CEP97: variants seen among roughly 807,000 people sequenced by gnomAD.
CEP97 encodes centrosomal protein 97, also known as centrosomal protein of 97 kDa.
Under a neutral mutation model 73.1 loss-of-function variants are expected in CEP97, and 43 were observed. The observed-to-expected ratio is 0.59, with a 90% CI of 0.46 to 0.76. The LOEUF is 0.76. Ranked by LOEUF, CEP97 falls within the 30% of genes least tolerant of loss-of-function variation. The pLI is 0.00. For missense variants in CEP97, 939 were observed against 1,014.0 expected (o/e 0.93, Z 1.00); for synonymous variants, 337 against 370.0 (o/e 0.91, Z 1.02).
At chr3:101,755,037 A>G (rs1001658479) in intron 6 of CEP97, among the ~76,000 whole-genome samples, 7 of 151,828 alleles carry the variant, frequency 4.6e-5, no homozygotes, top group Admixed American at 4.6e-4. Context: ...GAGATTACAC[A>G]TGCCACCATG....
At position 101,762,527 on chromosome 3, in the gene CEP97, A is replaced by G. The variant is rs1295357241; in HGVS notation, c.1860A>G (p.Val620=). The change falls in exon 10 of 11, where the codon GTA becomes GTG. Residue 620 remains valine, a synonymous_variant. Transcript: ENST00000341893. ...ERDEERIKKF[V]QEEAFRFLWN... The stretch of plus-strand genomic sequence containing the variant: ...ATGAAGAACGTATTAAAAAATTTGT[A>G]CAAGAAGAAGCTTTCAGATTCCTTT... 5.0e-6 allele frequency: 8 copies of G among 1,611,346 alleles called. No homozygotes were observed. The East Asian group carries it at 1.6e-4, about 32-fold the overall frequency.
chr3:101,744,583 CAAA>C (rs530099390), intron 6 of CEP97, among the ~76,000 whole-genome samples: 8 of 79,800 alleles, frequency 1.0e-4, no homozygotes, highest in Admixed American at 1.3e-4. Flanking sequence ...AACTCTGTCT[CAAA>C]AAAAAAAAAA....
At chr3:101,732,069 A>C in intron 5 of CEP97, 116 bp downstream of exon 5, 1 of 676,436 alleles carries the variant, frequency 1.5e-6, no homozygotes, top group Middle Eastern at 2.5e-4. Context: ...ACTGCCATTC[A>C]TATGAAATGC....
At chr3:101,763,018 G>C in intron 10 of CEP97, 3 of 1,175,782 alleles carry the variant, frequency 2.6e-6, no homozygotes, top group Non-Finnish European at 3.3e-6. Flanking sequence ...TTAGGCAGTT[G>C]GTTTTACTAG....
chr3:101,733,762 C>T (rs1938189430), intron 6 of CEP97, among the ~76,000 whole-genome samples: 2 of 152,206 alleles, frequency 1.3e-5, no homozygotes, highest in South Asian at 4.1e-4. Context: ...GATCTCCTGA[C>T]CTCGTGATCC....
Position 101,757,072 on chromosome 3 carries a change from G to T in CEP97, c.903G>T (p.Gln301His). 1 of 1,607,096 alleles carries T rather than the reference G, an allele frequency of 6.2e-7. No homozygotes were observed. Among genetic ancestry groups the T allele is most frequent in the Non-Finnish European group, 8.5e-7 (1 of 1,178,092 alleles). ...TATTATTGATTTTTAGGTTTCACCA[G>T]AGGCAGTTGATGAACCAAAGCCAAA... Reference protein sequence around the residue: ...EKILSKQRFHQRQLMNQSQNE... With the variant: ...EKILSKQRFHHRQLMNQSQNE... The change falls in exon 8 of 11, where the codon CAG (glutamine) becomes CAT (histidine). Residue 301 changes from glutamine (Q) to histidine (H), a missense_variant. Transcript: ENST00000341893.
chr3:101,748,128 T>C (rs1243569062), intron 6 of CEP97, among the ~76,000 whole-genome samples: 1 of 20,262 alleles, frequency 4.9e-5, no homozygotes, highest in African/African-American at 2.3e-4. Flanking sequence ...AGACCTTGTC[T>C]CAAAAAAAAA....
At chr3:101,753,684 C>CGTGGG (rs1938914525) in intron 6 of CEP97, among the ~76,000 whole-genome samples, 1 of 152,210 alleles carries the variant, frequency 6.6e-6, no homozygotes, top group Non-Finnish European at 1.5e-5. Flanking sequence ...AGTGAGACTC[C>CGTGGG]GTGGGCGTAG....
Position 101,724,662 on chromosome 3 carries a change from T to C in CEP97, c.-15T>C. The C allele has an allele frequency of 6.2e-7, 1 of 1,614,206 alleles. No individual in the cohort carries two copies. Among genetic ancestry groups the C allele is most frequent in the Non-Finnish European group, 8.5e-7 (1 of 1,180,024 alleles). Reference sequence around the variant, plus strand: ...CGGGAGGACGGTTGCCTGGTATTATTAGCAAGCAGCAAATATGGCGGTGGC... The same window carrying C: ...CGGGAGGACGGTTGCCTGGTATTATCAGCAAGCAGCAAATATGGCGGTGGC... On this transcript the variant is annotated 5_prime_UTR_variant, in exon 1 of 11. Coordinates refer to ENST00000341893, the MANE Select transcript of CEP97 (RefSeq NM_024548.4).
intron 6 of CEP97, among the ~76,000 whole-genome samples, chr3:101,733,740 C>T (rs1413185762): frequency 3.3e-5 from 5 of 151,972 alleles, no homozygotes; most frequent in East Asian, 1.9e-4. Flanking sequence ...CCGTTTTAGC[C>T]GGTATGGTCT....
chr3:101,745,823 T>C (rs1293749268), intron 6 of CEP97, among the ~76,000 whole-genome samples: 1 of 152,084 alleles, frequency 6.6e-6, no homozygotes, highest in Non-Finnish European at 1.5e-5. Context: ...GTTACATATG[T>C]ATACATGTGC....
intron 6 of CEP97, among the ~76,000 whole-genome samples, chr3:101,734,446 C>A (rs1439556328): frequency 1.3e-5 from 2 of 152,188 alleles, no homozygotes; most frequent in Non-Finnish European, 2.9e-5. Flanking sequence ...TTGTTCTTCT[C>A]TACTACAGAC....
intron 2 of CEP97, 138 bp from the exon 3 acceptor site, chr3:101,727,245 T>G: frequency 1.5e-6 from 1 of 648,768 alleles, no homozygotes; most frequent in Admixed American, 3.3e-5. Context: ...GTAGAATATT[T>G]AGACAATATA....
intron 10 of CEP97, chr3:101,763,137 C>T (rs747530957): frequency 9.1e-5 from 110 of 1,209,598 alleles, no homozygotes; most frequent in Admixed American, 1.7e-4. Flanking sequence ...TTGCCCAGGC[C>T]GGTCTCAAAC....
At chr3:101,763,724 A>G (rs527557847) in intron 10 of CEP97, among the ~76,000 whole-genome samples, 2 of 152,326 alleles carry the variant, frequency 1.3e-5, no homozygotes, top group African/African-American at 2.4e-5. Flanking sequence ...GTTTTTAGGT[A>G]TTTTAGAAAG....
chr3:101,725,554 C>T (rs1937852568), intron 1 of CEP97, among the ~76,000 whole-genome samples: 1 of 152,134 alleles, frequency 6.6e-6, no homozygotes, highest in South Asian at 2.1e-4. Flanking sequence ...TGTACAAAGG[C>T]TGTGCACTTT....
At position 101,758,259 on chromosome 3, in the gene CEP97, C is replaced by T; in HGVS notation, c.1653C>T (p.Asp551=). The change falls in exon 9 of 11, where the codon GAC becomes GAT. Residue 551 remains aspartate, a synonymous_variant. Coordinates refer to ENST00000341893, the MANE Select transcript of CEP97 (RefSeq NM_024548.4). Reference sequence around the variant, plus strand: ...AGAGATCTGTTGCTTTGGGACAAGACAAAGTTGCCCTTCAGAAATTAAATG... The same window carrying T: ...AGAGATCTGTTGCTTTGGGACAAGATAAAGTTGCCCTTCAGAAATTAAATG... ...LTQRSVALGQ[D]KVALQKLNDA... 6.2e-6 allele frequency: 10 copies of T among 1,614,212 alleles called. No homozygotes were observed. Among genetic ancestry groups the T allele is most frequent in the Non-Finnish European group, 7.6e-6 (9 of 1,180,028 alleles).
rs1939320416 is a variant in CEP97, at chr3:101,766,481, T to A, written c.*930T>A. ...GTGGCCATTCACTTCAATTTTGACC[T>A]CTGTCCCATAGTGAAGAACATTTAA... On this transcript the variant is annotated 3_prime_UTR_variant, in exon 11 of 11. Coordinates refer to ENST00000341893, the MANE Select transcript of CEP97 (RefSeq NM_024548.4). The A allele has an allele frequency of 6.6e-6, 1 of 152,614 alleles. No homozygotes were observed. The highest frequency in any genetic ancestry group is 2.4e-5 in the African/African-American group (1 of 41,446). The allele number at this position is 152,614 out of a possible 1,614,324, so 9.5% of individuals were successfully genotyped here.
intron 6 of CEP97, among the ~76,000 whole-genome samples, chr3:101,739,634 G>A (rs1202689448): frequency 6.6e-6 from 1 of 152,020 alleles, no homozygotes; most frequent in Non-Finnish European, 1.5e-5. Context: ...CTGGCGGGGC[G>A]CAGTGGCTCA....
Sources: gnomAD v4.1 joint callset for allele counts (sites outside exome capture counted in the v4.1 genomes callset) on GRCh38, gnomAD v4.1.1 for gene constraint, MANE v1.5 for transcripts, NCBI Gene and HGNC (gene_info 2026-07-23, HGNC 2026-07-21) for gene names.